KIF13A: variants seen among roughly 807,000 people sequenced by gnomAD.
The protein encoded by KIF13A is kinesin-like protein KIF13A.
Under a neutral mutation model 212.2 loss-of-function variants are expected in KIF13A, and 79 were observed. That is an observed-to-expected ratio of 0.37 (90% CI 0.31 to 0.45). The LOEUF (loss-of-function observed/expected upper bound fraction) is 0.45, where lower values mean the gene tolerates loss of function less well. KIF13A is among the 20% of genes least tolerant of loss of function. The pLI, the probability that KIF13A is intolerant of heterozygous loss-of-function variation, is 1.00. For missense variants in KIF13A, 1,901 were observed against 2,209.0 expected, an observed-to-expected ratio of 0.86 and a Z score of 2.79; for synonymous variants, 789 against 808.6, an observed-to-expected ratio of 0.98 and a Z score of 0.41.
intron 2 of KIF13A, among the ~76,000 whole-genome samples, chr6:17,977,515 T>C (rs1780678747): frequency 6.6e-6 from 1 of 152,212 alleles, no homozygotes; most frequent in Non-Finnish European, 1.5e-5. Context: ...GATTAAAAAT[T>C]CAAGAGACTA....
At chr6:17,944,201 G>T (rs930508776) in intron 2 of KIF13A, among the ~76,000 whole-genome samples, 1 of 152,168 alleles carries the variant, frequency 6.6e-6, no homozygotes, top group Non-Finnish European at 1.5e-5. Context: ...AGTAATTTGT[G>T]ATTCAATGCT....
In KIF13A at chr6:17,828,208, A is replaced by C; in HGVS notation, c.1532+32T>G. ...TCTCCTTCTGAAAATAAGGCACACA[A>C]GACACGTGAAGTCACCATTTACTTT... On this transcript the variant is annotated intron_variant, in intron 14 of 38. Transcript: ENST00000259711. This position sits in a 1 kb window ranked among gnomAD's most constrained non-coding sequence, Gnocchi z 4.3. 1 of 1,600,272 alleles carries C rather than the reference A, an allele frequency of 6.2e-7. No homozygotes were observed. The highest frequency in any genetic ancestry group is 8.5e-7 in the Non-Finnish European group (1 of 1,172,394).
intron 2 of KIF13A, among the ~76,000 whole-genome samples, chr6:17,960,022 CAA>C (rs200745950): frequency 2.4e-5 from 3 of 126,836 alleles, no homozygotes; most frequent in Admixed American, 8.1e-5. Flanking sequence ...AACTCCACCT[CAA>C]AAAAAAAAAA....
Position 17,794,709 on chromosome 6 carries a change from A to G in KIF13A, c.2943-5T>C, listed in dbSNP as rs747576959. On this transcript the variant is annotated splice_polypyrimidine_tract_variant and splice_region_variant and intron_variant, in intron 23 of 38. Transcript: ENST00000259711. This position sits in a 1 kb window ranked among gnomAD's most constrained non-coding sequence, Gnocchi z 4.1. ...CTTCGCGTTACTTCATTCCACCTGC[A>G]GAAACACATTCCAACAAGCAAGAGC... 1.2e-6 allele frequency: 2 copies of G among 1,604,812 alleles called. No homozygotes were observed. The highest frequency in any genetic ancestry group is 1.7e-6 in the Non-Finnish European group (2 of 1,177,810).
rs578134387 is a variant in KIF13A at position 17,834,890 on chromosome 6, T to C, written c.1156-819A>G. Reference sequence around the variant, plus strand: ...CAGTGGCATTTAGTGCTGAGTACAGTGGGACATATATGAAAATTATAGGCC... The same window carrying C: ...CAGTGGCATTTAGTGCTGAGTACAGCGGGACATATATGAAAATTATAGGCC... On this transcript the variant is annotated intron_variant, in intron 11 of 38. Transcript: ENST00000259711. This position sits in a 1 kb window ranked among gnomAD's most constrained non-coding sequence, Gnocchi z 4.0. Among the ~76,000 whole-genome samples, 10 of 152,032 alleles carry C rather than the reference T, an allele frequency of 6.6e-5. No individual in the cohort carries two copies. In the South Asian group the frequency reaches 1.9e-3, roughly 28 times the overall value.
At position 17,839,970 on chromosome 6, in the gene KIF13A, G is replaced by C. The variant is rs535724767; in HGVS notation, c.831-2387C>G. 6.6e-6 allele frequency among the ~76,000 whole-genome samples: 1 copy of C among 152,288 alleles called. No homozygotes were observed. Among genetic ancestry groups the C allele is most frequent in the South Asian group, 2.1e-4 (1 of 4,832 alleles). The stretch of plus-strand genomic sequence containing the variant: ...ACTCAGTTTGTGGTAATCTGTTACA[G>C]TAGCAATAGCAATCGAACACAGCCA... On this transcript the variant is annotated intron_variant, in intron 9 of 38. Coordinates refer to ENST00000259711, the MANE Select transcript of KIF13A (RefSeq NM_022113.6). This position sits in a 1 kb window ranked among gnomAD's most constrained non-coding sequence, Gnocchi z 4.3.
At chr6:17,917,722 A>G (rs961275534) in intron 2 of KIF13A, among the ~76,000 whole-genome samples, 11 of 152,200 alleles carry the variant, frequency 7.2e-5, no homozygotes, top group Admixed American at 5.9e-4. Flanking sequence ...TAACTTTGCA[A>G]CCAGAATTAT....
chr6:17,912,054 G>A lies in KIF13A; in HGVS notation c.147-13874C>T, dbSNP rs1057236949. Among the ~76,000 whole-genome samples the A allele has an allele frequency of 1.3e-5, 2 of 151,938 alleles. No individual in the cohort carries two copies. Among genetic ancestry groups the A allele is most frequent in the African/African-American group, 4.8e-5 (2 of 41,378 alleles). On this transcript the variant is annotated intron_variant, in intron 2 of 38. Coordinates refer to ENST00000259711, the MANE Select transcript of KIF13A (RefSeq NM_022113.6). This position sits in a 1 kb window ranked among gnomAD's most constrained non-coding sequence, Gnocchi z 4.2. ...GCTGGGATTACAGGCATGAGGCACC[G>A]GCCATCAATAATAATTTAACTGTAC...
At chr6:17,822,041 TTC>T in intron 16 of KIF13A, 1 of 841,642 alleles carries the variant, frequency 1.2e-6, no homozygotes, top group Non-Finnish European at 1.7e-6. Context: ...GAAACATAAC[TTC>T]TTTTTTTTTT....
Position 17,922,222 on chromosome 6 carries a change from G to C in KIF13A, c.147-24042C>G, listed in dbSNP as rs116576397. Among the ~76,000 whole-genome samples, 856 of 152,262 alleles carry C rather than the reference G, an allele frequency of 5.6e-3. 13 individuals are homozygous for C. Among genetic ancestry groups the C allele is most frequent in the African/African-American group, 0.019 (791 of 41,540 alleles). ...AAAGTCCATCACAGTCCATTCTCTAGAAGGTCTCCAGAAATGAGAACATCT... is the reference window on the plus strand; with the variant it reads ...AAAGTCCATCACAGTCCATTCTCTACAAGGTCTCCAGAAATGAGAACATCT... On this transcript the variant is annotated intron_variant, in intron 2 of 38. Coordinates refer to ENST00000259711, the MANE Select transcript of KIF13A (RefSeq NM_022113.6).
chr6:17,860,898 A>G (rs140735242), intron 4 of KIF13A, among the ~76,000 whole-genome samples: 1 of 152,196 alleles, frequency 6.6e-6, no homozygotes, highest in Non-Finnish European at 1.5e-5. Flanking sequence ...CACACTATGT[A>G]GGTACTAATT....
chr6:17,799,434 T>C lies in KIF13A; in HGVS notation c.2622A>G (p.Lys874=). ...AGGGCAGCCCCGTTGCTTCTTTAAT[T>C]TTTACCTGAAGAGATAAACAATACA... The part of the protein sequence containing the change: ...HRVKKLTCRV[K]IKEATGLPLN... The change falls in exon 22 of 39, where the codon AAA becomes AAG. Residue 874 remains lysine (K), a synonymous_variant. Transcript: ENST00000259711. This position sits in a 1 kb window ranked among gnomAD's most constrained non-coding sequence, Gnocchi z 4.4. 6.5e-7 allele frequency: 1 copy of C among 1,548,794 alleles called. No individual in the cohort carries two copies. Among genetic ancestry groups the C allele is most frequent in the Non-Finnish European group, 8.7e-7 (1 of 1,146,582 alleles).
At chr6:17,804,812 A>T (rs1195788846) in intron 19 of KIF13A, among the ~76,000 whole-genome samples, 1 of 32,186 alleles carries the variant, frequency 3.1e-5, no homozygotes, top group Non-Finnish European at 5.9e-5. Flanking sequence ...TGTCTCCATT[A>T]AAAAAAAAAA....
In KIF13A at chr6:17,899,374, T is replaced by C. The variant is rs886788323; in HGVS notation, c.147-1194A>G. 1.3e-5 allele frequency among the ~76,000 whole-genome samples: 2 copies of C among 152,146 alleles called. No homozygotes were observed. The highest frequency in any genetic ancestry group is 4.8e-5 in the African/African-American group (2 of 41,434). On this transcript the variant is annotated intron_variant, in intron 2 of 38. Coordinates refer to ENST00000259711, the MANE Select transcript of KIF13A (RefSeq NM_022113.6). The surrounding 1 kb of genome is among the most constrained non-coding windows in gnomAD (Gnocchi z 5.2). The stretch of plus-strand genomic sequence containing the variant: ...TAATCATTCTTCATAGGAAATAGAA[T>C]CATGGGGCTAAGAAAGTAGATTTTC...
intron 2 of KIF13A, among the ~76,000 whole-genome samples, chr6:17,948,667 T>A (rs1226705715): frequency 1.4e-5 from 2 of 146,866 alleles, no homozygotes; most frequent in African/African-American, 5.0e-5. Flanking sequence ...GTTCAAGCGA[T>A]TCTCTGCATC....
intron 16 of KIF13A, chr6:17,822,043 C>CTTTTTT (rs565299308): frequency 0.013 from 7,688 of 583,064 alleles, 10 homozygotes; most frequent in South Asian, 0.026. Flanking sequence ...AACATAACTT[C>CTTTTTT]TTTTTTTTTT....
intron 17 of KIF13A, among the ~76,000 whole-genome samples, chr6:17,815,927 G>A (rs1211102155): frequency 1.5e-5 from 2 of 129,562 alleles, no homozygotes; most frequent in African/African-American, 5.6e-5. Flanking sequence ...TTTTTTTTGA[G>A]ACAAAGTCTC....
At chr6:17,891,880 T>C (rs1772095704) in intron 3 of KIF13A, among the ~76,000 whole-genome samples, 1 of 152,192 alleles carries the variant, frequency 6.6e-6, no homozygotes, top group Non-Finnish European at 1.5e-5. Flanking sequence ...TGGTTCTTCC[T>C]CCTCTTTTCA....
At chr6:17,917,397 C>A (rs966829301) in intron 2 of KIF13A, among the ~76,000 whole-genome samples, 9 of 151,806 alleles carry the variant, frequency 5.9e-5, no homozygotes, top group Admixed American at 2.6e-4. Flanking sequence ...CCCGCCACCA[C>A]GCCCAGCTAA....
Sources: allele counts gnomAD v4.1 joint callset (sites outside exome capture counted in the v4.1 genomes callset), GRCh38; gene constraint gnomAD v4.1.1; non-coding constraint Gnocchi (gnomAD v3.1); transcripts MANE v1.5; gene names NCBI Gene and HGNC (gene_info 2026-07-23, HGNC 2026-07-21).